Variants in LRIF1 observed in about 807,000 individuals in gnomAD.
LRIF1 encodes ligand dependent nuclear receptor interacting factor 1.
LRIF1 carries 32 observed loss-of-function variants against 52.7 expected under a neutral mutation model. The ratio of observed to expected loss-of-function variants is 0.61; its 90% CI spans 0.46 to 0.82. The LOEUF is 0.82. Ranked by LOEUF, LRIF1 falls within the 40% of genes least tolerant of loss-of-function variation. The probability of loss-of-function intolerance (pLI) is 0.00; values close to 1 mark genes in which losing one functional copy is unlikely to be tolerated. For synonymous variants in LRIF1, 323 were observed against 317.4 expected (o/e 1.02, Z -0.19); for missense variants, 887 against 892.0 (o/e 0.99, Z 0.07).
At chr1:110,945,212 T>G (rs374542513), downstream of LRIF1, 43 of 152,204 alleles carry the variant, frequency 2.8e-4, no homozygotes, top group African/African-American at 1.0e-3. Flanking sequence ...TTCAGAATAG[T>G]GTAAATAAGG....
chr1:110,928,467 G>A, the LRIF1 span, among the ~76,000 whole-genome samples: 1 of 152,136 alleles, frequency 6.6e-6, no homozygotes, highest in African/African-American at 2.4e-5. Flanking sequence ...CTGCATTTAT[G>A]TTCAGTGGTA....
the LRIF1 span, chr1:110,936,703 A>G: frequency 6.6e-6 from 1 of 152,088 alleles, no homozygotes; most frequent in East Asian, 1.9e-4. Context: ...AGACCAGAAA[A>G]CAAATAACAA....
rs758596880 is a variant in LRIF1 at position 110,950,143 on chromosome 1, A to G, written c.1597-20T>C. The G allele has an allele frequency of 5.7e-6, 9 of 1,590,306 alleles. No individual in the cohort carries two copies. The Admixed American group carries it at 1.4e-4, about 25-fold the overall frequency. On this transcript the variant is annotated intron_variant, in intron 2 of 3. Transcript: ENST00000369763. ...ATGGATCTGGAATTAGGAAAAGAAA[A>G]CACACAAACAATACTGCTAATTATT...
At chr1:110,901,476 C>CA in the LRIF1 span, among the ~76,000 whole-genome samples, 1 of 63,544 alleles carries the variant, frequency 1.6e-5, no homozygotes, top group Non-Finnish European at 4.2e-5. Flanking sequence ...TCGCACCCGG[C>CA]CTTTTTTTTT....
the LRIF1 span, chr1:110,899,221 A>T: frequency 7.1e-6 from 11 of 1,551,710 alleles, no homozygotes; most frequent in African/African-American, 1.4e-5. Flanking sequence ...TGGTGAAGAG[A>T]CTTGTTTCAT....
At chr1:110,904,008 G>A in the LRIF1 span, among the ~76,000 whole-genome samples, 35 of 152,218 alleles carry the variant, frequency 2.3e-4, no homozygotes, top group Non-Finnish European at 4.3e-4. Flanking sequence ...CCTATGGCTT[G>A]TGGTGGTAGT....
chr1:110,944,057 G>A (rs1376034752), downstream of LRIF1: 1 of 152,172 alleles, frequency 6.6e-6, no homozygotes, highest in African/African-American at 2.4e-5. Flanking sequence ...CACTCTGACT[G>A]TTTTACTGAG....
chr1:110,920,769 G>A, the LRIF1 span, among the ~76,000 whole-genome samples: 1 of 152,146 alleles, frequency 6.6e-6, no homozygotes, highest in Non-Finnish European at 1.5e-5. Flanking sequence ...GGAAGAAGCG[G>A]TACATGCGGT....
At chr1:110,882,852 G>C in the LRIF1 span, among the ~76,000 whole-genome samples, 1 of 151,932 alleles carries the variant, frequency 6.6e-6, no homozygotes, top group African/African-American at 2.4e-5. Flanking sequence ...AAAAATACTT[G>C]ATTTCTAATG....
At chr1:110,952,870 A>G in intron 1 of LRIF1, 55 bp from the exon 2 acceptor site, 1 of 930,758 alleles carries the variant, frequency 1.1e-6, no homozygotes, top group Non-Finnish European at 1.4e-6. Context: ...TATACATTTT[A>G]TTTAAAAATA....
the LRIF1 span, among the ~76,000 whole-genome samples, chr1:110,889,236 C>T: frequency 6.6e-6 from 1 of 152,086 alleles, no homozygotes; most frequent in Non-Finnish European, 1.5e-5. Flanking sequence ...TCATCATTCA[C>T]TCCTGATAAA....
chr1:110,924,565 C>T, the LRIF1 span, among the ~76,000 whole-genome samples: 2 of 152,288 alleles, frequency 1.3e-5, no homozygotes, highest in African/African-American at 2.4e-5. Context: ...AACTCACTGT[C>T]GTGAGAACTC....
the LRIF1 span, among the ~76,000 whole-genome samples, chr1:110,906,353 T>C: frequency 6.6e-6 from 1 of 152,052 alleles, no homozygotes; most frequent in East Asian, 1.9e-4. Flanking sequence ...GAAACCAGCC[T>C]AGTCAACATA....
intron 1 of LRIF1, among the ~76,000 whole-genome samples, chr1:110,953,917 T>C (rs1185941887): frequency 6.6e-6 from 1 of 152,208 alleles, no homozygotes; most frequent in Non-Finnish European, 1.5e-5. Context: ...GCTTCCTTCA[T>C]GGTATATATC....
At chr1:110,909,105 A>G in the LRIF1 span, among the ~76,000 whole-genome samples, 1 of 152,164 alleles carries the variant, frequency 6.6e-6, no homozygotes, top group Non-Finnish European at 1.5e-5. Context: ...CCAATCAAGA[A>G]CTTCGTATCT....
chr1:110,923,820 C>T, the LRIF1 span, among the ~76,000 whole-genome samples: 1 of 151,928 alleles, frequency 6.6e-6, no homozygotes, highest in South Asian at 2.1e-4. Context: ...TGAGCATTCA[C>T]CTTAGGAAGT....
At chr1:110,883,226 C>T in the LRIF1 span, among the ~76,000 whole-genome samples, 1 of 151,838 alleles carries the variant, frequency 6.6e-6, no homozygotes, top group Non-Finnish European at 1.5e-5. Context: ...TTTGCATAAG[C>T]GTTCTTCTAT....
At chr1:110,897,595 A>G in the LRIF1 span, 1 of 425,054 alleles carries the variant, frequency 2.4e-6, no homozygotes, top group Non-Finnish European at 4.3e-6. Context: ...TACATTAGTT[A>G]CCACTGTAAT....
the LRIF1 span, among the ~76,000 whole-genome samples, chr1:110,934,719 C>G: frequency 2.6e-5 from 4 of 152,172 alleles, no homozygotes; most frequent in Non-Finnish European, 5.9e-5. Flanking sequence ...TTACCCTAGT[C>G]CCTGACTTCC....
Sources: allele counts gnomAD v4.1 joint callset (sites outside exome capture counted in the v4.1 genomes callset), GRCh38; gene constraint gnomAD v4.1.1; transcripts MANE v1.5; gene names NCBI Gene and HGNC (gene_info 2026-07-23, HGNC 2026-07-21).